Variants in AP2B1 observed in about 807,000 individuals in gnomAD.
AP2B1 encodes AP-2 complex subunit beta.
In AP2B1, 23 loss-of-function variants were observed where a neutral mutation model predicts 102.0. The ratio of observed to expected loss-of-function variants is 0.23; its 90% confidence interval spans 0.16 to 0.32. The LOEUF is 0.32. Among genes scored for constraint, AP2B1 ranks in the 10% least tolerant of loss-of-function variants. The pLI, the probability that AP2B1 is intolerant of heterozygous loss-of-function variation, is 1.00. For missense variants in AP2B1, 541 were observed against 1,157.4 expected (o/e 0.47, Z 7.73); for synonymous variants, 381 against 421.2 (o/e 0.90, Z 1.17).
chr17:35,637,221 C>T (rs552199295), intron 10 of AP2B1, among the ~76,000 whole-genome samples: 11 of 152,212 alleles, frequency 7.2e-5, no homozygotes, highest in African/African-American at 2.7e-4. Context: ...GAGTCTCACT[C>T]TGTTGCCCAG....
At chr17:35,707,228 A>G (rs2076359863) in intron 18 of AP2B1, among the ~76,000 whole-genome samples, 1 of 151,756 alleles carries the variant, frequency 6.6e-6, no homozygotes, top group Non-Finnish European at 1.5e-5. Context: ...ATTTCGGCTC[A>G]CTGCAGCCTT....
intron 18 of AP2B1, among the ~76,000 whole-genome samples, chr17:35,702,713 G>A (rs1361937680): frequency 6.6e-6 from 1 of 152,158 alleles, no homozygotes; most frequent in African/African-American, 2.4e-5. Flanking sequence ...CAGAGAGACT[G>A]TTAAAGGCTT....
chr17:35,713,341 A>T (rs2076489384), intron 20 of AP2B1, among the ~76,000 whole-genome samples: 1 of 152,206 alleles, frequency 6.6e-6, no homozygotes, highest in Non-Finnish European at 1.5e-5. Flanking sequence ...CAGGAGTCCA[A>T]GGCCAACATT....
chr17:35,711,604 G>C lies in AP2B1; in HGVS notation c.2626+1284G>C, dbSNP rs587718702. Among the ~76,000 whole-genome samples, 10 of 152,208 alleles carry C rather than the reference G, an allele frequency of 6.6e-5. No homozygotes were observed. In the East Asian group the frequency reaches 1.9e-3, roughly 29 times the overall value. The stretch of plus-strand genomic sequence containing the variant: ...CTGCCTCAGCCTCCAGAGTAGCTGG[G>C]ACTACAGGCGCCAGCCACCACACCC... On this transcript the variant is annotated intron_variant, in intron 20 of 21. Transcript: ENST00000610402.
chr17:35,656,388 CT>C, intron 13 of AP2B1, among the ~76,000 whole-genome samples: 3 of 152,242 alleles, frequency 2.0e-5, no homozygotes, highest in Admixed American at 2.0e-4. Context: ...TCACCACTTT[CT>C]TTTTATTTTT....
chr17:35,720,232 G>A (rs2085316727), intron 21 of AP2B1, among the ~76,000 whole-genome samples: 1 of 152,012 alleles, frequency 6.6e-6, no homozygotes, highest in Non-Finnish European at 1.5e-5. Context: ...TGGTCATTGA[G>A]CATGTCCAGG....
chr17:35,659,755 G>C (rs921958695), intron 14 of AP2B1: 41 of 967,206 alleles, frequency 4.2e-5, no homozygotes, highest in Non-Finnish European at 4.3e-5. Context: ...GGTATCCTTG[G>C]TGTTACAGCC....
At chr17:35,645,033 G>GAAA (rs753551246) in intron 12 of AP2B1, among the ~76,000 whole-genome samples, 2 of 142,568 alleles carry the variant, frequency 1.4e-5, no homozygotes, top group Non-Finnish European at 3.1e-5. Flanking sequence ...CTCTGTCTCG[G>GAAA]AAAAAAAAAA....
chr17:35,627,247 T>TTC, intron 7 of AP2B1, 138 bp from the exon 8 acceptor site: 1 of 202,774 alleles, frequency 4.9e-6, no homozygotes, highest in African/African-American at 2.7e-5. Context: ...AGTTTATGCT[T>TTC]TTTTTTTTTT....
chr17:35,650,370 C>T (rs1478512869), intron 12 of AP2B1, among the ~76,000 whole-genome samples, 160 bp from the exon 13 acceptor site: 2 of 152,184 alleles, frequency 1.3e-5, no homozygotes, highest in Non-Finnish European at 2.9e-5. Context: ...GTTGGGATTA[C>T]AGGCATGAGC....
In AP2B1 at chr17:35,608,286, G is replaced by A. The variant is rs1280937938; in HGVS notation, c.424G>A (p.Ala142Thr). 2 of 1,614,098 alleles carry A rather than the reference G, an allele frequency of 1.2e-6. No individual in the cohort carries two copies. Among genetic ancestry groups the A allele is most frequent in the Non-Finnish European group, 1.7e-6 (2 of 1,180,054 alleles). Residue 142 changes from alanine (A) to threonine (T), a missense_variant, in exon 5 of 22, where the codon GCA becomes ACA. Transcript: ENST00000610402. ...GGATCCCTATGTTCGGAAAACAGCA[G>A]CAGTCTGCGTGGCAAAACTCCATGA... ...DEDPYVRKTA[A>T]VCVAKLHDIN...
intron 18 of AP2B1, among the ~76,000 whole-genome samples, chr17:35,693,192 G>A (rs1453000703): frequency 1.3e-5 from 2 of 151,846 alleles, no homozygotes; most frequent in Non-Finnish European, 2.9e-5. Flanking sequence ...TAATTTTTTG[G>A]ATTTTTAGTA....
At chr17:35,684,509 C>G (rs899910120) in intron 18 of AP2B1, among the ~76,000 whole-genome samples, 2 of 152,172 alleles carry the variant, frequency 1.3e-5, no homozygotes, top group Non-Finnish European at 2.9e-5. Context: ...TGCCAGTTCA[C>G]TAACTACCTT....
intron 5 of AP2B1, among the ~76,000 whole-genome samples, chr17:35,619,743 T>A (rs898162760): frequency 1.3e-5 from 2 of 152,184 alleles, no homozygotes; most frequent in Non-Finnish European, 2.9e-5. Flanking sequence ...TTTACCATAA[T>A]TGGGAGGCAA....
chr17:35,702,083 C>G (rs2076249903), intron 18 of AP2B1, among the ~76,000 whole-genome samples: 1 of 152,158 alleles, frequency 6.6e-6, no homozygotes, highest in South Asian at 2.1e-4. Context: ...AATTCTTTCC[C>G]TCATGGAATT....
intron 8 of AP2B1, 54 bp downstream of exon 8, chr17:35,627,559 C>T (rs1490985987): frequency 6.2e-7 from 1 of 1,612,928 alleles, no homozygotes; most frequent in African/African-American, 1.3e-5. Flanking sequence ...AAGGTCTGGC[C>T]TTTAAAGAAG....
chr17:35,706,806 A>AT (rs2076348829), intron 18 of AP2B1, among the ~76,000 whole-genome samples: 1 of 149,686 alleles, frequency 6.7e-6, no homozygotes, highest in Non-Finnish European at 1.5e-5. Flanking sequence ...ACACCCAACT[A>AT]ATATATATAT....
At chr17:35,680,686 G>GTTTTTTTTTTTTTTTTT (rs1167550201) in intron 17 of AP2B1, among the ~76,000 whole-genome samples, 1 of 59,928 alleles carries the variant, frequency 1.7e-5, no homozygotes. Flanking sequence ...TATGGTTTTG[G>GTTTTTTTTTTTTTTTTT]TTTTTTTTTT....
chr17:35,639,517 G>A (rs1262003520), intron 10 of AP2B1, 78 bp from the exon 11 acceptor site: 14 of 1,350,498 alleles, frequency 1.0e-5, no homozygotes, highest in Non-Finnish European at 1.4e-5. Context: ...CCTTGTTTGT[G>A]GTTTTGCCTT....
Sources: gnomAD v4.1 joint callset for allele counts (sites outside exome capture counted in the v4.1 genomes callset) on GRCh38, gnomAD v4.1.1 for gene constraint, MANE v1.5 for transcripts, NCBI Gene and HGNC (gene_info 2026-07-23, HGNC 2026-07-21) for gene names.